The following SEPTIN10 variants were observed in gnomAD, a reference collection of about 807,000 sequenced individuals.
The protein encoded by SEPTIN10 is septin-10.
In SEPTIN10, 66 loss-of-function variants were observed where a neutral mutation model predicts 54.8. The observed-to-expected ratio is 1.21, with a 90% confidence interval of 0.99 to 1.48. The LOEUF (loss-of-function observed/expected upper bound fraction) is 1.48, where lower values mean the gene tolerates loss of function less well. Ranked by LOEUF, SEPTIN10 falls within the 40% of genes most tolerant of loss-of-function variation. The pLI is 0.00. For missense variants in SEPTIN10, 620 were observed against 545.6 expected (o/e 1.14, Z -1.36); for synonymous variants, 161 against 181.0 (o/e 0.89, Z 0.89).
intron 8 of SEPTIN10, among the ~76,000 whole-genome samples, chr2:109,556,157 A>T (rs571784704): frequency 6.6e-6 from 1 of 152,336 alleles, no homozygotes; most frequent in South Asian, 2.1e-4. Flanking sequence ...ACTATCCTGG[A>T]ACTCTACCAG....
chr2:109,583,270 A>G (rs528091732), intron 4 of SEPTIN10, among the ~76,000 whole-genome samples: 5 of 152,316 alleles, frequency 3.3e-5, no homozygotes, highest in Non-Finnish European at 5.9e-5. Context: ...CTATGCATCC[A>G]ACAATAGTCT....
intron 1 of SEPTIN10, chr2:109,613,151 A>G: frequency 7.8e-7 from 1 of 1,287,546 alleles, no homozygotes; most frequent in Non-Finnish European, 1.0e-6. Flanking sequence ...CGACCTTGGT[A>G]CTATTAACGA....
At chr2:109,562,405 T>C (rs984226101) in intron 8 of SEPTIN10, among the ~76,000 whole-genome samples, 1 of 148,848 alleles carries the variant, frequency 6.7e-6, no homozygotes, top group African/African-American at 2.5e-5. Flanking sequence ...CACATAGGGG[T>C]CCTCCTCCCA....
intron 1 of SEPTIN10, among the ~76,000 whole-genome samples, chr2:109,603,081 CA>C (rs879546621): frequency 6.7e-6 from 1 of 149,770 alleles, no homozygotes; most frequent in Non-Finnish European, 1.5e-5. Context: ...AAAAACAAAA[CA>C]AAAAAAACAA....
At chr2:109,547,795 G>A (rs1380975566) in intron 9 of SEPTIN10, among the ~76,000 whole-genome samples, 2 of 152,166 alleles carry the variant, frequency 1.3e-5, no homozygotes, top group Non-Finnish European at 2.9e-5. Context: ...CATGATGGCT[G>A]GCACTGAGTA....
chr2:109,602,272 C>T (rs895945234), intron 1 of SEPTIN10, among the ~76,000 whole-genome samples: 13 of 152,010 alleles, frequency 8.6e-5, no homozygotes, highest in Non-Finnish European at 1.9e-4. Context: ...CTTACAGAAA[C>T]TGCATGAACA....
At chr2:109,572,713 T>A (rs1688707980) in intron 5 of SEPTIN10, among the ~76,000 whole-genome samples, 1 of 147,288 alleles carries the variant, frequency 6.8e-6, no homozygotes, top group African/African-American at 2.5e-5. Flanking sequence ...GCCTCCTGGG[T>A]TCAAGCAATT....
At chr2:109,590,163 A>G (rs1693686845) in intron 2 of SEPTIN10, among the ~76,000 whole-genome samples, 2 of 151,730 alleles carry the variant, frequency 1.3e-5, no homozygotes. Flanking sequence ...ATGACAGACT[A>G]TTGAGAGTGG....
intron 1 of SEPTIN10, among the ~76,000 whole-genome samples, chr2:109,596,666 A>G (rs961156582): frequency 7.2e-5 from 11 of 151,986 alleles, no homozygotes; most frequent in African/African-American, 2.4e-4. Context: ...CTCATTTGCC[A>G]TTAAACTTAA....
chr2:109,596,622 GAAA>G (rs1379480196), intron 1 of SEPTIN10, among the ~76,000 whole-genome samples: 1 of 121,754 alleles, frequency 8.2e-6, no homozygotes, highest in South Asian at 2.6e-4. Flanking sequence ...CTCAAAAAAA[GAAA>G]AAAAAAAAGA....
chr2:109,553,808 C>T (rs553183012), intron 8 of SEPTIN10, among the ~76,000 whole-genome samples: 13 of 151,150 alleles, frequency 8.6e-5, no homozygotes, highest in East Asian at 3.9e-4. Context: ...GAGCCAAGAT[C>T]GCGCCACTGC....
chr2:109,603,504 G>A (rs1160958572), intron 1 of SEPTIN10, among the ~76,000 whole-genome samples: 2 of 152,044 alleles, frequency 1.3e-5, no homozygotes, highest in Admixed American at 1.3e-4. Context: ...CTCCCAAAGA[G>A]CTGGGATTAC....
intron 8 of SEPTIN10, among the ~76,000 whole-genome samples, chr2:109,560,556 T>C (rs1685430654): frequency 6.6e-6 from 1 of 152,192 alleles, no homozygotes; most frequent in Non-Finnish European, 1.5e-5. Flanking sequence ...TAAATACCCA[T>C]GACTCTTAAG....
intron 2 of SEPTIN10, among the ~76,000 whole-genome samples, chr2:109,586,382 T>C (rs1041079081): frequency 3.9e-5 from 6 of 152,082 alleles, no homozygotes; most frequent in African/African-American, 9.7e-5. Context: ...AGGAAACTTA[T>C]CAGGTGAGAT....
At chr2:109,548,775 CAAAAAAAAAAA>C (rs57096452) in intron 9 of SEPTIN10, among the ~76,000 whole-genome samples, 2 of 63,596 alleles carry the variant, frequency 3.1e-5, no homozygotes, top group Non-Finnish European at 6.0e-5. Context: ...GGCTCCATCT[CAAAAAAAAAAA>C]AAAAAAAAAA....
intron 1 of SEPTIN10, among the ~76,000 whole-genome samples, chr2:109,600,808 T>C (rs1008403318): frequency 1.3e-5 from 2 of 152,246 alleles, no homozygotes; most frequent in Non-Finnish European, 2.9e-5. Context: ...CCAATGCTTC[T>C]AACAAATGGC....
intron 8 of SEPTIN10, among the ~76,000 whole-genome samples, chr2:109,559,490 C>T (rs1252336777): frequency 2.6e-5 from 4 of 152,164 alleles, no homozygotes; most frequent in Non-Finnish European, 4.4e-5. Context: ...TTTCTAATTT[C>T]CCCTTCTTTG....
intron 1 of SEPTIN10, among the ~76,000 whole-genome samples, chr2:109,607,941 G>GA (rs1015296197): frequency 1.7e-4 from 26 of 151,846 alleles, no homozygotes; most frequent in African/African-American, 5.8e-4. Flanking sequence ...GTGCAAATGG[G>GA]AAAAAAAACT....
chr2:109,593,057 TTCA>T lies in SEPTIN10; in HGVS notation c.90_92del (p.Asp30del). ...ATTTAAAAGACATACTCACTATCTG[TTCA>T]TCATCTGATCCTTGTGAAGACATAC... On this transcript the variant is annotated inframe_deletion, in exon 2 of 11. Coordinates refer to ENST00000397712, the MANE Select transcript of SEPTIN10 (RefSeq NM_144710.5). The T allele has an allele frequency of 1.3e-6, 2 of 1,592,638 alleles. No individual in the cohort carries two copies. The highest frequency in any genetic ancestry group is 1.7e-6 in the Non-Finnish European group (2 of 1,170,828).
Sources: allele counts gnomAD v4.1 joint callset (sites outside exome capture counted in the v4.1 genomes callset), GRCh38; gene constraint gnomAD v4.1.1; transcripts MANE v1.5; gene names NCBI Gene and HGNC (gene_info 2026-07-23, HGNC 2026-07-21).